The following NOX1 variants were observed in gnomAD, a reference collection of about 807,000 sequenced individuals.
NOX1 encodes the protein NADPH oxidase 1.
Under a neutral mutation model 42.5 loss-of-function variants are expected in NOX1, and 34 were observed. That is an observed-to-expected ratio of 0.80 (90% CI 0.61 to 1.07). The LOEUF (loss-of-function observed/expected upper bound fraction) is 1.07. Among genes scored for constraint, NOX1 ranks in the 50% least tolerant of loss-of-function variants. The probability of loss-of-function intolerance (pLI) is 0.00; values close to 1 mark genes in which losing one functional copy is unlikely to be tolerated. For synonymous variants in NOX1, 143 were observed against 152.5 expected, an observed-to-expected ratio of 0.94 and a Z score of 0.46; for missense variants, 408 against 427.0, an observed-to-expected ratio of 0.96 and a Z score of 0.39.
In NOX1 at chrX:100,862,829, A is replaced by G. The variant is rs757445501; in HGVS notation, c.338-9T>C. The G allele has an allele frequency of 1.7e-6, 2 of 1,192,697 alleles. No individual in the cohort carries two copies. Among genetic ancestry groups the G allele is most frequent in the Non-Finnish European group, 2.3e-6 (2 of 885,898 alleles). On this transcript the variant is annotated splice_polypyrimidine_tract_variant and intron_variant, in intron 4 of 12. Transcript: ENST00000372966. ...TGCAATGATGTGAATAGCTAAATGG[A>G]AAGATGAAAAGAAATGTTAAGAGGC...
At chrX:100,844,160 TC>T (rs1480613777) in intron 12 of NOX1, 82 bp from the exon 13 acceptor site, 2 of 882,273 alleles carry the variant, frequency 2.3e-6, no homozygotes, top group Non-Finnish European at 1.5e-6. Context: ...CTCTACTACT[TC>T]CAAGAACCTT....
intron 7 of NOX1, chrX:100,856,388 G>A: frequency 2.0e-6 from 1 of 509,667 alleles, no homozygotes; most frequent in African/African-American, 2.3e-5. Flanking sequence ...CAAGATGGAA[G>A]GGAGAAGAGA....
chrX:100,873,592 GGTTAAATGAATTATATT>G (rs2085289114), intron 1 of NOX1, among the ~76,000 whole-genome samples: 1 of 111,770 alleles, frequency 8.9e-6, no homozygotes, highest in African/African-American at 3.3e-5. Context: ...TGATATGTTG[GGTTAAATGAATTATATT>G]GTTAAATATT....
chrX:100,864,706 G>T (rs138410441), intron 2 of NOX1, among the ~76,000 whole-genome samples: 3,068 of 111,986 alleles, frequency 0.027, 112 homozygotes, highest in African/African-American at 0.095. Context: ...GTATAAGCTG[G>T]ACAGAATATG....
intron 2 of NOX1, among the ~76,000 whole-genome samples, chrX:100,865,524 C>G (rs1429856535): frequency 8.9e-6 from 1 of 112,521 alleles, no homozygotes; most frequent in Non-Finnish European, 1.9e-5. Context: ...AAACTTCTTC[C>G]TCTGCTGCTT....
chrX:100,853,286 C>CCTTCCTTTCTTTCT, intron 7 of NOX1, among the ~76,000 whole-genome samples: 1 of 60,817 alleles, frequency 1.6e-5, no homozygotes, highest in African/African-American at 6.2e-5. Context: ...TTCTTTCTTT[C>CCTTCCTTTCTTTCT]TTTCTTTCTT....
intron 7 of NOX1, among the ~76,000 whole-genome samples, chrX:100,858,049 G>A (rs1039325995): frequency 9.0e-6 from 1 of 111,532 alleles, no homozygotes; most frequent in Non-Finnish European, 1.9e-5. Flanking sequence ...TGTCTTCTAC[G>A]GTGTTTATAG....
intron 2 of NOX1, among the ~76,000 whole-genome samples, chrX:100,865,210 A>T (rs1030417870): frequency 3.6e-5 from 4 of 111,859 alleles, no homozygotes; most frequent in Non-Finnish European, 7.5e-5. Flanking sequence ...CTTCTGAGTA[A>T]ATTTCCTCTG....
chrX:100,860,699 G>A (rs1372475967), intron 7 of NOX1, among the ~76,000 whole-genome samples: 1 of 111,658 alleles, frequency 9.0e-6, no homozygotes, highest in Admixed American at 9.6e-5. Context: ...TGCCCTGTGA[G>A]TTGTAAATAC....
rs199969001 is a variant in NOX1 at position 100,856,881 on chromosome X, C to CT, written c.804+5289dup. Among the ~76,000 whole-genome samples, 322 of 108,383 alleles carry CT rather than the reference C, an allele frequency of 3.0e-3. 1 individual carries two copies. The highest frequency in any genetic ancestry group is 8.8e-3 in the African/African-American group (264 of 29,967). The allele number at this position is 108,383 out of a possible 115,157, so 94.1% of individuals were successfully genotyped here. A position where few individuals can be genotyped will look rare whatever the true frequency, so the allele number is the denominator to read the frequency against. On this transcript the variant is annotated intron_variant, in intron 7 of 12. Coordinates refer to ENST00000372966, the MANE Select transcript of NOX1 (RefSeq NM_007052.5). ...AGCCACTGTGCCCCACCCAAAATTA[C>CT]TTTTTTTTTTAACTTCTATTTTAGG...
rs778341342 is a variant in NOX1 at position 100,855,462 on chromosome X, A to G, written c.805-4137T>C. On this transcript the variant is annotated intron_variant, in intron 7 of 12. Coordinates refer to ENST00000372966, the MANE Select transcript of NOX1 (RefSeq NM_007052.5). ...TGAATACTGATTGTTGTAATTGCCA[A>G]AATCATTGTAGCTTCCACCACCTCC... is the stretch of plus-strand genomic sequence containing the variant. 171 of 752,873 alleles carry G rather than the reference A, an allele frequency of 2.3e-4. 1 individual carries two copies. The highest frequency in any genetic ancestry group is 3.3e-4 in the Non-Finnish European group (158 of 484,365). The allele number at this position is 752,873 out of a possible 1,213,427, so 62.0% of individuals were successfully genotyped here.
chrX:100,853,252 TCC>T (rs1196114815), intron 7 of NOX1, among the ~76,000 whole-genome samples: 860 of 40,048 alleles, frequency 0.021, 29 homozygotes, highest in Admixed American at 0.033. Context: ...TTTCCTTCCT[TCC>T]TTCCTTCCTT....
chrX:100,871,272 G>A (rs2085273040), intron 1 of NOX1, among the ~76,000 whole-genome samples: 1 of 112,231 alleles, frequency 8.9e-6, no homozygotes, highest in Non-Finnish European at 1.9e-5. Flanking sequence ...ACGGAGTAGA[G>A]TAGTTGGGAC....
intron 2 of NOX1, among the ~76,000 whole-genome samples, chrX:100,865,959 G>T (rs910423452): frequency 2.7e-5 from 3 of 112,346 alleles, no homozygotes. Context: ...AGTGGCTTAC[G>T]CCTGTAATCC....
intron 2 of NOX1, among the ~76,000 whole-genome samples, chrX:100,867,784 GAAA>G (rs1003498189): frequency 1.9e-5 from 1 of 53,561 alleles, no homozygotes; most frequent in Non-Finnish European, 3.2e-5. Flanking sequence ...GGAAGGAAAA[GAAA>G]AGAAGAAAGA....
chrX:100,865,991 C>A (rs984372355), intron 2 of NOX1, among the ~76,000 whole-genome samples: 1 of 111,907 alleles, frequency 8.9e-6, no homozygotes, highest in Non-Finnish European at 1.9e-5. Context: ...GAGACCAAAG[C>A]GGGTGGATCA....
Position 100,862,494 on chromosome X carries a change from G to A in NOX1, c.569C>T (p.Thr190Ile). 2 of 1,210,108 alleles carry A rather than the reference G, an allele frequency of 1.7e-6. No homozygotes were observed. Among genetic ancestry groups the A allele is most frequent in the Non-Finnish European group, 2.2e-6 (2 of 893,985 alleles). Residue 190 changes from threonine (T) to isoleucine (I), a missense_variant, in exon 6 of 13, where the codon ACT becomes ATT. By Grantham distance (89) the Thr-to-Ile change is moderately conservative. Coordinates refer to ENST00000372966, the MANE Select transcript of NOX1 (RefSeq NM_007052.5). The part of the protein sequence containing the change: ...IMTIALILMV[T>I]SATEFIRRSY... ...CCTCCGGATGAACTCAGTAGCTGAA[G>A]TTACCATGAGAATCAAGGCTATTGT...
Position 100,874,197 on chromosome X carries a change from T to C in NOX1, c.-58A>G. The C allele has an allele frequency of 1.2e-6, 1 of 826,156 alleles. No homozygotes were observed. Among genetic ancestry groups the C allele is most frequent in the Non-Finnish European group, 1.8e-6 (1 of 553,490 alleles). The allele number at this position is 826,156 out of a possible 1,213,427, so 68.1% of individuals were successfully genotyped here. ...ACAGGGAAGATTCAGCAATCCGGAT[T>C]CTGGAGAGGTCCTTCAGGAATGGAA... On this transcript the variant is annotated 5_prime_UTR_variant, in exon 1 of 13. Coordinates refer to ENST00000372966, the MANE Select transcript of NOX1 (RefSeq NM_007052.5).
At chrX:100,851,475 T>C (rs1462050667) in intron 7 of NOX1, 150 bp from the exon 8 acceptor site, 1 of 340,601 alleles carries the variant, frequency 2.9e-6, no homozygotes. Flanking sequence ...AAGATGGAAA[T>C]AGAAAAAATA....
Sources: gnomAD v4.1 joint callset for allele counts (sites outside exome capture counted in the v4.1 genomes callset) on GRCh38, gnomAD v4.1.1 for gene constraint, MANE v1.5 for transcripts, NCBI Gene and HGNC (gene_info 2026-07-23, HGNC 2026-07-21) for gene names.